The following DENND1B variants were observed in gnomAD, a reference collection of about 807,000 sequenced individuals.
DENND1B encodes DENN domain-containing protein 1B.
Under a neutral mutation model 90.1 loss-of-function variants are expected in DENND1B, and 59 were observed. That is an observed-to-expected ratio of 0.65 (90% CI 0.53 to 0.81). The LOEUF (loss-of-function observed/expected upper bound fraction) is 0.81, where lower values mean the gene tolerates loss of function less well. Ranked by LOEUF, DENND1B falls within the 40% of genes least tolerant of loss-of-function variation. The probability of loss-of-function intolerance (pLI) is 0.00; values close to 1 mark genes in which losing one functional copy is unlikely to be tolerated. For missense variants in DENND1B, 862 were observed against 912.6 expected (o/e 0.94, Z 0.71); for synonymous variants, 337 against 324.6 (o/e 1.04, Z -0.41).
chr1:197,615,722 T>C (rs1476211307), intron 11 of DENND1B, among the ~76,000 whole-genome samples: 1 of 150,914 alleles, frequency 6.6e-6, no homozygotes, highest in Non-Finnish European at 1.5e-5. Context: ...AATTATATTA[T>C]ATTACTCCGT....
rs539159104 is a variant in DENND1B, at chr1:197,628,212, C to T, written c.673-10453G>A. Among the ~76,000 whole-genome samples the T allele has an allele frequency of 2.1e-3, 324 of 152,082 alleles. 2 individuals carry two copies. The highest frequency in any genetic ancestry group is 7.3e-3 in the African/African-American group (301 of 41,508). On this transcript the variant is annotated intron_variant, in intron 10 of 22. Transcript: ENST00000620048. ...TATAGAACCAAAAAAGAGCCCGCAT[C>T]GCCAAGTCAATCCTAAGCCAAAAGA...
At chr1:197,730,345 C>A (rs759539339) in intron 2 of DENND1B, among the ~76,000 whole-genome samples, 24 of 152,158 alleles carry the variant, frequency 1.6e-4, no homozygotes, top group Non-Finnish European at 3.4e-4. Flanking sequence ...AAAAATAGAT[C>A]CCATTCCCCT....
chr1:197,538,540 T>A (rs918797789), intron 20 of DENND1B, among the ~76,000 whole-genome samples: 1 of 152,064 alleles, frequency 6.6e-6, no homozygotes, highest in African/African-American at 2.4e-5. Context: ...AAATACTCAG[T>A]ATGTTACAAA....
intron 20 of DENND1B, among the ~76,000 whole-genome samples, chr1:197,535,764 G>A (rs995431692): frequency 1.3e-5 from 2 of 152,096 alleles, no homozygotes; most frequent in African/African-American, 4.8e-5. Flanking sequence ...TACTCTCCTT[G>A]CCTCTCTGGC....
At chr1:197,570,566 A>G (rs1673062888) in intron 15 of DENND1B, among the ~76,000 whole-genome samples, 1 of 152,198 alleles carries the variant, frequency 6.6e-6, no homozygotes, top group South Asian at 2.1e-4. Context: ...ACAAAATGGA[A>G]TGGTGATTTT....
At chr1:197,540,904 A>G (rs535813684) in intron 19 of DENND1B, 55 bp downstream of exon 19, 1 of 1,498,188 alleles carries the variant, frequency 6.7e-7, no homozygotes, top group East Asian at 2.3e-5. Context: ...GGAAGTATAA[A>G]CTTCAAACTA....
intron 3 of DENND1B, among the ~76,000 whole-genome samples, chr1:197,704,218 T>G (rs1445820219): frequency 1.3e-5 from 2 of 152,174 alleles, no homozygotes. Flanking sequence ...AGGGCACTAC[T>G]GCACTCCAGC....
intron 15 of DENND1B, 115 bp from the exon 16 acceptor site, chr1:197,553,227 A>G (rs1008017583): frequency 1.3e-6 from 1 of 782,776 alleles, no homozygotes; most frequent in Non-Finnish European, 1.9e-6. Flanking sequence ...TTAATAACAG[A>G]CTCTTGTATA....
Position 197,607,132 on chromosome 1 carries a change from C to G in DENND1B, c.862G>C (p.Val288Leu). 6.2e-7 allele frequency: 1 copy of G among 1,603,336 alleles called. No individual in the cohort carries two copies. Among genetic ancestry groups the G allele is most frequent in the Non-Finnish European group, 8.5e-7 (1 of 1,174,250 alleles). The change falls in exon 13 of 23, where the codon GTT becomes CTT. Residue 288 changes from valine (V) to leucine (L), a missense_variant. Physicochemically the swap from Val to Leu is conservative, Grantham distance 32 (BLOSUM62 1). Coordinates refer to ENST00000620048, the MANE Select transcript of DENND1B (RefSeq NM_001195215.2). ...GGTGATTCTAATGTGTTTGTATCAACATTTAACATAACAACATCTTCCAAT... is the reference window on the plus strand; with the variant it reads ...GGTGATTCTAATGTGTTTGTATCAAGATTTAACATAACAACATCTTCCAAT... ...KSLEDVVMLN[V>L]DTNTLESPFS...
intron 3 of DENND1B, among the ~76,000 whole-genome samples, chr1:197,713,801 T>TTATAATATATTATA (rs1469792150): frequency 0.019 from 610 of 32,568 alleles, 25 homozygotes; most frequent in Non-Finnish European, 0.028. Context: ...TATTATTATA[T>TTATAATATATTATA]TATAATATAT....
At chr1:197,714,909 A>G in intron 3 of DENND1B, 122 bp downstream of exon 3, 2 of 739,326 alleles carry the variant, frequency 2.7e-6, no homozygotes, top group Non-Finnish European at 4.6e-6. Context: ...ACAGTTGATC[A>G]AGAGAAAATA....
intron 2 of DENND1B, chr1:197,735,751 C>T: frequency 6.2e-7 from 1 of 1,612,176 alleles, no homozygotes; most frequent in East Asian, 2.2e-5. Context: ...TGCGAATCGG[C>T]GTACTTTTCC....
At chr1:197,690,304 AAC>A (rs956014614) in intron 3 of DENND1B, 9 of 199,260 alleles carry the variant, frequency 4.5e-5, no homozygotes, top group African/African-American at 7.1e-5. Context: ...ATCTTGAGCC[AAC>A]CAGGCCAAAT....
intron 16 of DENND1B, among the ~76,000 whole-genome samples, chr1:197,547,780 T>C (rs140899490): frequency 6.6e-6 from 1 of 151,786 alleles, no homozygotes; most frequent in Middle Eastern, 3.2e-3. Flanking sequence ...AATAAAACAT[T>C]CCAAGTTATT....
At chr1:197,541,691 A>G (rs1010135560) in intron 18 of DENND1B, among the ~76,000 whole-genome samples, 5 of 152,174 alleles carry the variant, frequency 3.3e-5, no homozygotes, top group African/African-American at 1.2e-4. Context: ...TCACAGTGGC[A>G]AAGGTGAAAA....
chr1:197,521,218 TA>T (rs1371846437), intron 20 of DENND1B, among the ~76,000 whole-genome samples: 1 of 151,860 alleles, frequency 6.6e-6, no homozygotes, highest in Non-Finnish European at 1.5e-5. Context: ...GTAAGCAAAA[TA>T]AATCTTTCTT....
intron 13 of DENND1B, among the ~76,000 whole-genome samples, chr1:197,604,948 A>C (rs1427286894): frequency 1.3e-5 from 2 of 151,182 alleles, no homozygotes; most frequent in East Asian, 3.9e-4. Context: ...TCACCCAAAA[A>C]ATTTTTAGAA....
At chr1:197,755,815 T>A (rs997652280) in intron 2 of DENND1B, among the ~76,000 whole-genome samples, 26 of 152,082 alleles carry the variant, frequency 1.7e-4, no homozygotes, top group African/African-American at 6.0e-4. Context: ...GAACTCCCGT[T>A]TTTAAAACCA....
Position 197,775,291 on chromosome 1 carries a change from C to G in DENND1B, c.-136G>C. 2 of 658,146 alleles carry G rather than the reference C, an allele frequency of 3.0e-6. No homozygotes were observed. The highest frequency in any genetic ancestry group is 4.3e-6 in the Non-Finnish European group (2 of 466,170). The allele number at this position is 658,146 out of a possible 1,614,324, so 40.8% of individuals were successfully genotyped here. ...AGGGAAAGAGGCTGCTCACAGCAGC[C>G]GTGGCGGCGGGCCCATGTCGGCTGC... On this transcript the variant is annotated 5_prime_UTR_variant, in exon 1 of 23. Transcript: ENST00000620048.
Sources: allele counts gnomAD v4.1 joint callset (sites outside exome capture counted in the v4.1 genomes callset), GRCh38; gene constraint gnomAD v4.1.1; transcripts MANE v1.5; gene names NCBI Gene and HGNC (gene_info 2026-07-23, HGNC 2026-07-21).